Variants in OASL observed in about 807,000 individuals in gnomAD.
The protein encoded by OASL is 2'-5'-oligoadenylate synthetase like.
In OASL, 28 loss-of-function variants were observed where a neutral mutation model predicts 35.3. That is an observed-to-expected ratio of 0.79 (90% CI 0.59 to 1.09). OASL has a LOEUF of 1.09. Among genes scored for constraint, OASL ranks in the 50% least tolerant of loss-of-function variants. The pLI, the probability that OASL is intolerant of heterozygous loss-of-function variation, is 0.00. For synonymous variants in OASL, 252 were observed against 254.6 expected, an observed-to-expected ratio of 0.99 and a Z score of 0.10; for missense variants, 620 against 635.2, an observed-to-expected ratio of 0.98 and a Z score of 0.26.
downstream of OASL, among the ~76,000 whole-genome samples, chr12:121,018,211 G>A (rs747161921): frequency 2.8e-4 from 42 of 152,284 alleles, no homozygotes; most frequent in Middle Eastern, 0.014. Context: ...ACAACATGAG[G>A]CAGTGTGTGT....
In OASL at chr12:121,033,759, C is replaced by A; in HGVS notation, c.199-16G>T. On this transcript the variant is annotated splice_polypyrimidine_tract_variant and intron_variant, in intron 1 of 5. Coordinates refer to ENST00000257570, the Ensembl canonical transcript of OASL. ...AGGAGCCCACCTGCAGAACACAGAG[C>A]CCCGTCACCCTGAGGCCCACTGCCA... 1 of 1,607,278 alleles carries A rather than the reference C, an allele frequency of 6.2e-7. No individual in the cohort carries two copies. The highest frequency in any genetic ancestry group is 8.5e-7 in the Non-Finnish European group (1 of 1,177,096).
chr12:121,029,505 G>A (rs1237737847), intron 3 of OASL, among the ~76,000 whole-genome samples: 2 of 152,076 alleles, frequency 1.3e-5, no homozygotes, highest in Non-Finnish European at 2.9e-5. Flanking sequence ...TGGCTAACAC[G>A]GTGAAACCCC....
chr12:121,018,294 A>C (rs1337354165), downstream of OASL, among the ~76,000 whole-genome samples: 1 of 152,028 alleles, frequency 6.6e-6, no homozygotes, highest in Non-Finnish European at 1.5e-5. Context: ...GTCTCCTGTA[A>C]ACAGGAAGTT....
chr12:121,031,691 G>T, intron 2 of OASL, 74 bp from the exon 3 acceptor site: 1 of 1,344,858 alleles, frequency 7.4e-7, no homozygotes, highest in Admixed American at 1.8e-5. Flanking sequence ...ATTTTGGGGA[G>T]AGCCTGCCTT....
chr12:121,027,717 T>G, exon 4 of OASL: 6 of 1,614,192 alleles, frequency 3.7e-6, no homozygotes, highest in Non-Finnish European at 5.1e-6. Flanking sequence ...CAACATGAAA[T>G]TCTCGTCTTC....
chr12:121,037,175 C>G (rs1254268419), intron 1 of OASL, among the ~76,000 whole-genome samples: 1 of 152,124 alleles, frequency 6.6e-6, no homozygotes, highest in East Asian at 1.9e-4. Flanking sequence ...GGTCCTAATT[C>G]TAGTCTTGCC....
chr12:121,034,878 G>A (rs964399024), intron 1 of OASL, among the ~76,000 whole-genome samples: 1 of 152,122 alleles, frequency 6.6e-6, no homozygotes, highest in Non-Finnish European at 1.5e-5. Context: ...CTCTTCTGCT[G>A]CCGGGGGGTC....
exon 3 of OASL, chr12:121,031,556 G>C (rs781684922): frequency 6.2e-7 from 1 of 1,614,026 alleles, no homozygotes; most frequent in Non-Finnish European, 8.5e-7. Context: ...CAGGACCACC[G>C]CAGGCCTTGA....
At chr12:121,022,056 C>T (rs1490737796) in intron 5 of OASL, among the ~76,000 whole-genome samples, 35 of 148,224 alleles carry the variant, frequency 2.4e-4, no homozygotes, top group African/African-American at 7.9e-4. Context: ...ACCACAGGTG[C>T]GTGCCACCAC....
intron 5 of OASL, among the ~76,000 whole-genome samples, chr12:121,023,148 T>TTTTG (rs971947121): frequency 4.6e-5 from 7 of 152,126 alleles, no homozygotes; most frequent in South Asian, 2.1e-4. Context: ...ACTTAGTATT[T>TTTTG]TTTGTTTGTT....
chr12:121,029,494 C>G (rs1372393170), intron 3 of OASL, among the ~76,000 whole-genome samples: 1 of 152,122 alleles, frequency 6.6e-6, no homozygotes, highest in African/African-American at 2.4e-5. Flanking sequence ...CGAGACCATC[C>G]TGGCTAACAC....
chr12:121,031,383 GC>G lies in OASL; in HGVS notation c.657+58del, dbSNP rs1278477794. On this transcript the variant is annotated intron_variant, in intron 3 of 5. Coordinates refer to ENST00000257570, the Ensembl canonical transcript of OASL. ...CTTCCTGAGATGAAAATCAGGCCCT[GC>G]CTTTCCTCCTCACCCTCTTCCCTCT... 5 of 1,549,678 alleles carry G rather than the reference GC, an allele frequency of 3.2e-6. No individual in the cohort carries two copies. The African/African-American group carries it at 5.4e-5, about 17-fold the overall frequency.
At chr12:121,020,014 A>G (rs1384491286) in exon 6 of OASL, 1 of 152,544 alleles carries the variant, frequency 6.6e-6, no homozygotes, top group Non-Finnish European at 1.5e-5. Flanking sequence ...GTGGGTCCGA[A>G]TTCTGTTGCT....
At chr12:121,026,281 T>C (rs1869479469) in intron 4 of OASL, among the ~76,000 whole-genome samples, 2 of 152,170 alleles carry the variant, frequency 1.3e-5, no homozygotes, top group African/African-American at 4.8e-5. Flanking sequence ...CAGACCTGGC[T>C]TTTCTTCCTT....
chr12:121,021,028 G>C (rs1307352628), exon 6 of OASL: 1 of 1,603,886 alleles, frequency 6.2e-7, no homozygotes, highest in African/African-American at 1.3e-5. Context: ...TAACCCCTCT[G>C]CTCCACTGTC....
At chr12:121,038,055 C>T (rs1039949330) in intron 1 of OASL, among the ~76,000 whole-genome samples, 15 of 151,286 alleles carry the variant, frequency 9.9e-5, no homozygotes, top group Non-Finnish European at 1.6e-4. Context: ...CCACTGCACT[C>T]CAGCCTGGGT....
intron 5 of OASL, among the ~76,000 whole-genome samples, chr12:121,022,287 A>T (rs1869276560): frequency 6.6e-6 from 1 of 151,760 alleles, no homozygotes; most frequent in Admixed American, 6.6e-5. Flanking sequence ...AGGTTTTACC[A>T]TGTTGGCCAG....
intron 5 of OASL, chr12:121,023,647 T>A: frequency 4.7e-6 from 1 of 212,228 alleles, no homozygotes; most frequent in Non-Finnish European, 9.7e-6. Flanking sequence ...CCACATCCCC[T>A]ACCCCATCCC....
At chr12:121,029,766 C>T (rs1869652863) in intron 3 of OASL, among the ~76,000 whole-genome samples, 1 of 152,010 alleles carries the variant, frequency 6.6e-6, no homozygotes, top group Non-Finnish European at 1.5e-5. Flanking sequence ...ATTTTGTAAA[C>T]CATAACTAAT....
Sources: gnomAD v4.1 joint callset for allele counts (sites outside exome capture counted in the v4.1 genomes callset) on GRCh38, gnomAD v4.1.1 for gene constraint, MANE v1.5 for transcripts, NCBI Gene and HGNC (gene_info 2026-07-23, HGNC 2026-07-21) for gene names.